Variants in USP36 observed in about 807,000 individuals in gnomAD.
USP36 encodes ubiquitin carboxyl-terminal hydrolase 36.
In USP36, 59 loss-of-function variants were observed where a neutral mutation model predicts 111.5. The observed-to-expected ratio is 0.53, with a 90% CI of 0.43 to 0.66. USP36 has a LOEUF of 0.66. Ranked by LOEUF, USP36 falls within the 30% of genes least tolerant of loss-of-function variation. The pLI is 0.00. For synonymous variants in USP36, 628 were observed against 581.0 expected (o/e 1.08, Z -1.16); for missense variants, 1,488 against 1,468.0 (o/e 1.01, Z -0.22).
At chr17:78,834,997 G>GTAAA (rs1555641713) in intron 4 of USP36, among the ~76,000 whole-genome samples, 8 of 141,392 alleles carry the variant, frequency 5.7e-5, no homozygotes, top group Non-Finnish European at 1.1e-4. Context: ...AATAATATTT[G>GTAAA]TATATATATA....
downstream of USP36, among the ~76,000 whole-genome samples, chr17:78,794,755 C>T (rs1030436955): frequency 6.6e-6 from 1 of 152,112 alleles, no homozygotes; most frequent in African/African-American, 2.4e-5. Flanking sequence ...CGCCTGGAAT[C>T]CCAGCACTTT....
intron 10 of USP36, among the ~76,000 whole-genome samples, chr17:78,815,803 C>T (rs1040290574): frequency 6.6e-6 from 1 of 151,586 alleles, no homozygotes; most frequent in African/African-American, 2.4e-5. Context: ...TACATGCATA[C>T]ATACATCGTA....
intron 17 of USP36, among the ~76,000 whole-genome samples, chr17:78,800,722 G>A (rs1240881710): frequency 6.6e-6 from 1 of 152,196 alleles, no homozygotes; most frequent in Non-Finnish European, 1.5e-5. Context: ...CTCCTCAGGT[G>A]CACAGGACTG....
In USP36 at chr17:78,814,424, G is replaced by A. The variant is rs1567938943; in HGVS notation, c.1152C>T (p.Tyr384=). 4 of 1,614,164 alleles carry A rather than the reference G, an allele frequency of 2.5e-6. No individual in the cohort carries two copies. Among genetic ancestry groups the A allele is most frequent in the African/African-American group, 1.3e-5 (1 of 75,076 alleles). Residue 384 remains tyrosine, a synonymous_variant, in exon 11 of 21, where the codon TAC becomes TAT. Transcript: ENST00000449938. ...SGYSCHAGHY[Y]CYVKASNGQW... ...ACAAGCCTCTCACCTTCACGTAGCA[G>A]TAATAGTGCCCGGCATGGCAGCTGT...
chr17:78,811,294 A>AGAGG (rs2094048869), intron 13 of USP36, among the ~76,000 whole-genome samples: 1 of 152,222 alleles, frequency 6.6e-6, no homozygotes, highest in Non-Finnish European at 1.5e-5. Context: ...AAGGTAACTT[A>AGAGG]GAGGGTAGTT....
rs544698394 is a variant in USP36 at position 78,796,603 on chromosome 17, C to T, written c.*1297G>A. ...TTAAAAAAGCAATTCCATCTACACG[C>T]CAGTAACCACCCAGGCCCCGAGCAC... is the stretch of plus-strand genomic sequence containing the variant. On this transcript the variant is annotated 3_prime_UTR_variant, in exon 21 of 21. Coordinates refer to ENST00000449938, the MANE Select transcript of USP36 (RefSeq NM_001385174.1). 2.3e-4 allele frequency: 35 copies of T among 152,420 alleles called. No homozygotes were observed. Among genetic ancestry groups the T allele is most frequent in the African/African-American group, 7.9e-4 (33 of 41,564 alleles). 9.4% of individuals were successfully genotyped at this position (152,420 alleles called of 1,614,324 possible).
At chr17:78,830,752 C>T (rs1252189538) in intron 4 of USP36, among the ~76,000 whole-genome samples, 1 of 152,088 alleles carries the variant, frequency 6.6e-6, no homozygotes, top group Non-Finnish European at 1.5e-5. Flanking sequence ...ATTATTTACA[C>T]AAAATTCTTC....
At chr17:78,831,745 C>G (rs2068134268) in intron 4 of USP36, among the ~76,000 whole-genome samples, 1 of 151,794 alleles carries the variant, frequency 6.6e-6, no homozygotes, top group Non-Finnish European at 1.5e-5. Context: ...TGTTTGAGAC[C>G]AGCCTGGGCA....
At chr17:78,790,120 G>A (rs577358666) in intron 3 of USP36, among the ~76,000 whole-genome samples, 313 of 150,744 alleles carry the variant, frequency 2.1e-3, no homozygotes, top group Non-Finnish European at 3.3e-3. Flanking sequence ...ACGAAGTCTC[G>A]CTCTGTCATC....
chr17:78,818,785 A>C lies in USP36; in HGVS notation c.912-7T>G. 6.2e-7 allele frequency: 1 copy of C among 1,609,756 alleles called. No homozygotes were observed. The highest frequency in any genetic ancestry group is 2.2e-5 in the East Asian group (1 of 44,866). ...TGGAACCTTCTTCTTGCATCTATGA[A>C]GAAGGTGATGAGAAAGATTAATGAA... On this transcript the variant is annotated splice_region_variant and splice_polypyrimidine_tract_variant and intron_variant, in intron 9 of 20. Coordinates refer to ENST00000449938, the MANE Select transcript of USP36 (RefSeq NM_001385174.1).
At chr17:78,831,241 AAAAAAAAAAAAAG>A (rs985595933) in intron 4 of USP36, among the ~76,000 whole-genome samples, 15 of 148,720 alleles carry the variant, frequency 1.0e-4, no homozygotes, top group Middle Eastern at 6.9e-3. Flanking sequence ...AAAAAAAAAA[AAAAAAAAAAAAAG>A]GGACAACATA....
At chr17:78,827,139 C>T (rs1334140258) in intron 6 of USP36, 106 bp downstream of exon 6, 5 of 1,305,850 alleles carry the variant, frequency 3.8e-6, no homozygotes, top group Non-Finnish European at 5.3e-6. Context: ...CCAAGGGCAG[C>T]CTGGGTAGAA....
At chr17:78,832,072 A>G (rs11650000) in intron 4 of USP36, among the ~76,000 whole-genome samples, 83,161 of 152,038 alleles carry the variant, frequency 0.55, 22,774 homozygotes, top group East Asian at 0.61. Flanking sequence ...ACAAATATTT[A>G]TTCATGTAAT....
chr17:78,815,186 G>C (rs914895777), intron 10 of USP36, among the ~76,000 whole-genome samples: 2 of 152,002 alleles, frequency 1.3e-5, no homozygotes, highest in African/African-American at 4.8e-5. Context: ...ACAAAAATTA[G>C]CCAGGCGTGG....
rs566940391 is a variant in USP36, at chr17:78,805,717, C to T, written c.2216+439G>A. On this transcript the variant is annotated intron_variant, in intron 15 of 20. Coordinates refer to ENST00000449938, the MANE Select transcript of USP36 (RefSeq NM_001385174.1). ...CCGAGAGCCCTGAGACAGTTCTTAACCTGCATGACGCTAGCAGGCAAGACG... is the reference window on the plus strand; with the variant it reads ...CCGAGAGCCCTGAGACAGTTCTTAATCTGCATGACGCTAGCAGGCAAGACG... Among the ~76,000 whole-genome samples, 7 of 152,324 alleles carry T rather than the reference C, an allele frequency of 4.6e-5. No homozygotes were observed. In the South Asian group the frequency reaches 1.2e-3, roughly 27 times the overall value.
chr17:78,827,279 C>T lies in USP36; in HGVS notation c.655G>A (p.Ala219Thr), dbSNP rs759229493. The T allele has an allele frequency of 4.5e-5, 73 of 1,613,840 alleles. No individual in the cohort carries two copies. Among genetic ancestry groups the T allele is most frequent in the East Asian group, 8.9e-5 (4 of 44,890 alleles). The change falls in exon 6 of 21, where the codon GCC becomes ACC. Residue 219 changes from alanine to threonine, a missense_variant. Ala to Thr is a moderately conservative substitution (Grantham distance 58, BLOSUM62 0). Around this residue, in one of 3 missense-constraint regions of USP36, gnomAD observed 196 missense variants for 264.4 expected, o/e 0.74. Coordinates refer to ENST00000449938, the MANE Select transcript of USP36 (RefSeq NM_001385174.1). ...CCATTCAGGCAGGCTTTCTGCATGG[C>T]GTCGATGGTGTACCGCAGGAACTCA... ...AHEFLRYTID[A>T]MQKACLNGCA... is the part of the protein sequence containing the mutation.
chr17:78,807,092 G>A lies in USP36; in HGVS notation c.1952C>T (p.Ser651Phe). Residue 651 changes from serine to phenylalanine, a missense_variant, in exon 14 of 21, where the codon TCC becomes TTC. Transcript: ENST00000449938. ...QETNCSTAGH[S>F]KTPPSGADSK... The stretch of plus-strand genomic sequence containing the variant: ...ATCTGCTCCACTTGGCGGCGTTTTG[G>A]AGTGGCCAGCGGTGGAACAGTTCGT... 3 of 1,614,258 alleles carry A rather than the reference G, an allele frequency of 1.9e-6. No individual in the cohort carries two copies. Among genetic ancestry groups the A allele is most frequent in the Non-Finnish European group, 2.5e-6 (3 of 1,180,050 alleles).
chr17:78,790,377 A>C (rs1457724152), intron 3 of USP36, among the ~76,000 whole-genome samples: 1 of 150,642 alleles, frequency 6.6e-6, no homozygotes, highest in African/African-American at 2.4e-5. Flanking sequence ...TGCAACCTCC[A>C]CCTCCTGGGT....
At chr17:78,809,264 T>C (rs888452292) in intron 13 of USP36, among the ~76,000 whole-genome samples, 1 of 152,388 alleles carries the variant, frequency 6.6e-6, no homozygotes, top group African/African-American at 2.4e-5. Flanking sequence ...ACTTTAAGCA[T>C]ACAAAGTCTT....
Sources: allele counts gnomAD v4.1 joint callset (sites outside exome capture counted in the v4.1 genomes callset), GRCh38; gene constraint gnomAD v4.1.1; regional missense constraint gnomAD v4.1.1; transcripts MANE v1.5; gene names NCBI Gene and HGNC (gene_info 2026-07-23, HGNC 2026-07-21).